NRG1: variants seen among roughly 807,000 people sequenced by gnomAD.
NRG1 encodes the protein pro-neuregulin-1, membrane-bound isoform.
In NRG1, 18 loss-of-function variants were observed where a neutral mutation model predicts 63.8. That is an observed-to-expected ratio of 0.28 (90% confidence interval 0.19 to 0.42). The LOEUF (loss-of-function observed/expected upper bound fraction) is 0.42, where lower values mean the gene tolerates loss of function less well. Ranked by LOEUF, NRG1 falls within the 10% of genes least tolerant of loss-of-function variation. NRG1 has a pLI of 1.00. For missense variants in NRG1, 762 were observed against 814.7 expected, an observed-to-expected ratio of 0.94 and a Z score of 0.79; for synonymous variants, 302 against 301.3, an observed-to-expected ratio of 1.00 and a Z score of -0.02.
At chr8:32,474,870 T>C (rs1824308519) in intron 1 of NRG1, among the ~76,000 whole-genome samples, 1 of 152,170 alleles carries the variant, frequency 6.6e-6, no homozygotes, top group South Asian at 2.1e-4. Flanking sequence ...AGAATGATGC[T>C]AGGTACTCTA....
At chr8:32,312,618 T>C (rs1856947415) in intron 1 of NRG1, among the ~76,000 whole-genome samples, 1 of 152,106 alleles carries the variant, frequency 6.6e-6, no homozygotes, top group African/African-American at 2.4e-5. Context: ...GACAGCCCTG[T>C]GTGGCTCCAT....
chr8:32,363,095 T>C (rs980391015), intron 1 of NRG1, among the ~76,000 whole-genome samples: 1 of 152,178 alleles, frequency 6.6e-6, no homozygotes, highest in Admixed American at 6.5e-5. Flanking sequence ...TCTTGGTGCC[T>C]CATAAACATA....
chr8:32,732,731 A>G (rs1200339404), intron 6 of NRG1, among the ~76,000 whole-genome samples: 1 of 151,466 alleles, frequency 6.6e-6, no homozygotes, highest in Non-Finnish European at 1.5e-5. Flanking sequence ...GTAGTATTAC[A>G]TTCTCTCAGT....
At chr8:32,330,903 C>T (rs1472551331) in intron 1 of NRG1, among the ~76,000 whole-genome samples, 1 of 152,082 alleles carries the variant, frequency 6.6e-6, no homozygotes, top group Non-Finnish European at 1.5e-5. Flanking sequence ...CATTTATTCT[C>T]TTCTGATTAT....
chr8:32,194,662 C>T (rs1251541277), intron 1 of NRG1, among the ~76,000 whole-genome samples: 5 of 152,148 alleles, frequency 3.3e-5, no homozygotes, highest in African/African-American at 9.7e-5. Context: ...ATGTGCTTCT[C>T]TATCGCTTTG....
intron 1 of NRG1, among the ~76,000 whole-genome samples, chr8:32,199,406 T>G (rs1202329012): frequency 6.6e-6 from 1 of 152,220 alleles, no homozygotes; most frequent in Admixed American, 6.5e-5. Context: ...TCATCTATCA[T>G]CCTGAGACTT....
chr8:32,378,856 G>A (rs536360016), intron 1 of NRG1, among the ~76,000 whole-genome samples: 20 of 148,938 alleles, frequency 1.3e-4, no homozygotes, highest in Non-Finnish European at 2.4e-4. Context: ...ACCTATGAGT[G>A]AGAAAATGCG....
intron 3 of NRG1, chr8:32,614,312 C>G (rs1240979540): frequency 4.4e-6 from 2 of 455,844 alleles, no homozygotes; most frequent in African/African-American, 3.9e-5. Flanking sequence ...ATTTTATGCT[C>G]TTTGCATAAG....
At chr8:32,233,144 C>T (rs1166593011) in intron 1 of NRG1, among the ~76,000 whole-genome samples, 2 of 152,034 alleles carry the variant, frequency 1.3e-5, no homozygotes, top group Non-Finnish European at 2.9e-5. Context: ...CTCTGTTGCC[C>T]ATGCTGGAGT....
At chr8:32,192,338 C>T (rs999500710) in intron 1 of NRG1, among the ~76,000 whole-genome samples, 3 of 152,056 alleles carry the variant, frequency 2.0e-5, no homozygotes, top group African/African-American at 7.2e-5. Context: ...ACATGAAATC[C>T]ACCTAGATGC....
At chr8:31,651,540 C>G (rs1238754157) in intron 1 of NRG1, among the ~76,000 whole-genome samples, 1 of 152,078 alleles carries the variant, frequency 6.6e-6, no homozygotes, top group African/African-American at 2.4e-5. Context: ...GGCAGCAGTT[C>G]TAATGGCTGC....
intron 1 of NRG1, among the ~76,000 whole-genome samples, chr8:32,532,356 T>A (rs541672901): frequency 6.6e-6 from 1 of 152,328 alleles, no homozygotes; most frequent in Non-Finnish European, 1.5e-5. Flanking sequence ...AAAATACTTT[T>A]TTCCAAAACT....
chr8:32,091,446 G>A (rs1239317506), intron 1 of NRG1, among the ~76,000 whole-genome samples: 1 of 152,126 alleles, frequency 6.6e-6, no homozygotes. Context: ...TAAGATGGTA[G>A]TGCCGTGTGT....
At chr8:32,343,900 C>G (rs1804397551) in intron 1 of NRG1, among the ~76,000 whole-genome samples, 1 of 152,218 alleles carries the variant, frequency 6.6e-6, no homozygotes, top group South Asian at 2.1e-4. Context: ...TCTAAAAATT[C>G]AGTCCTAGTC....
intron 1 of NRG1, among the ~76,000 whole-genome samples, chr8:32,527,116 C>T (rs117221063): frequency 0.021 from 3,262 of 152,206 alleles, 40 homozygotes; most frequent in Middle Eastern, 0.048. Context: ...AACTACCATT[C>T]GATCCAGCAA....
intron 1 of NRG1, among the ~76,000 whole-genome samples, chr8:32,572,689 A>G (rs1838830576): frequency 6.6e-6 from 1 of 152,138 alleles, no homozygotes; most frequent in Non-Finnish European, 1.5e-5. Context: ...TGTTGGGTAG[A>G]TGCAATTATT....
At chr8:31,947,287 A>T (rs928130328) in intron 1 of NRG1, among the ~76,000 whole-genome samples, 3 of 146,682 alleles carry the variant, frequency 2.0e-5, no homozygotes, top group Admixed American at 6.7e-5. Context: ...GGCCTGGGCG[A>T]CAGAGTGAGA....
intron 1 of NRG1, among the ~76,000 whole-genome samples, chr8:32,467,165 G>A (rs537444859): frequency 2.4e-4 from 36 of 152,214 alleles, no homozygotes; most frequent in Non-Finnish European, 3.1e-4. Context: ...TAAACACAAA[G>A]CAACATAGGA....
intron 1 of NRG1, among the ~76,000 whole-genome samples, chr8:31,692,830 G>A (rs914015748): frequency 6.6e-6 from 1 of 152,176 alleles, no homozygotes; most frequent in Non-Finnish European, 1.5e-5. Context: ...GCCCTAGGTA[G>A]TGAAATCTTT....
Sources: allele counts gnomAD v4.1 joint callset (sites outside exome capture counted in the v4.1 genomes callset), GRCh38; gene constraint gnomAD v4.1.1; transcripts MANE v1.5; gene names NCBI Gene and HGNC (gene_info 2026-07-23, HGNC 2026-07-21).